Variants in BMPR1A observed in about 807,000 individuals in gnomAD.
The protein encoded by BMPR1A is bone morphogenetic protein receptor type 1A.
A neutral mutation model predicts 66.0 loss-of-function variants in BMPR1A; 7 were observed. The observed-to-expected ratio is 0.11, with a 90% CI of 0.06 to 0.20. The LOEUF is 0.20. Among genes scored for constraint, BMPR1A ranks in the 10% least tolerant of loss-of-function variants. BMPR1A has a pLI of 1.00. For missense variants in BMPR1A, 408 were observed against 669.1 expected (o/e 0.61, Z 4.31); for synonymous variants, 200 against 229.7 (o/e 0.87, Z 1.17).
At chr10:86,856,292 T>C in intron 2 of BMPR1A, 1 of 502,638 alleles carries the variant, frequency 2.0e-6, no homozygotes, top group South Asian at 1.4e-5. Flanking sequence ...ACCTGTGGCA[T>C]TTCGAGAATG....
At chr10:86,879,672 A>C (rs952454770) in intron 3 of BMPR1A, among the ~76,000 whole-genome samples, 1 of 152,220 alleles carries the variant, frequency 6.6e-6, no homozygotes, top group Non-Finnish European at 1.5e-5. Flanking sequence ...GCATCCATTT[A>C]GTACATGCAG....
chr10:86,846,180 C>T (rs1177074626), intron 2 of BMPR1A, among the ~76,000 whole-genome samples: 2 of 152,088 alleles, frequency 1.3e-5, no homozygotes, highest in African/African-American at 4.8e-5. Flanking sequence ...AAGGCAAGCC[C>T]GCATCTGGAG....
At chr10:86,866,399 CTTTTTTTTTTTTTTT>C (rs1048293127) in intron 2 of BMPR1A, among the ~76,000 whole-genome samples, 3 of 69,476 alleles carry the variant, frequency 4.3e-5, no homozygotes, top group Middle Eastern at 8.8e-3. Flanking sequence ...AAGTTTCTTT[CTTTTTTTTTTTTTTT>C]TTTTTTTTTT....
At chr10:86,761,563 G>A (rs1564675760) in intron 1 of BMPR1A, among the ~76,000 whole-genome samples, 1 of 152,200 alleles carries the variant, frequency 6.6e-6, no homozygotes, top group South Asian at 2.1e-4. Flanking sequence ...GGCCTAGCCC[G>A]GATTAAACCC....
chr10:86,765,518 C>T (rs947725676), intron 1 of BMPR1A, among the ~76,000 whole-genome samples: 2 of 149,594 alleles, frequency 1.3e-5, no homozygotes, highest in African/African-American at 2.4e-5. Context: ...ATATTCCTCT[C>T]TCTCCTATGA....
intron 1 of BMPR1A, among the ~76,000 whole-genome samples, chr10:86,814,738 G>T (rs1478415109): frequency 7.4e-5 from 11 of 149,502 alleles, no homozygotes; most frequent in Non-Finnish European, 1.6e-4. Context: ...TGTCTGTAAG[G>T]AGGATGTTGT....
chr10:86,796,433 C>T (rs961236541), intron 1 of BMPR1A, among the ~76,000 whole-genome samples: 24 of 151,834 alleles, frequency 1.6e-4, no homozygotes, highest in Admixed American at 7.9e-4. Context: ...ACTTACTACC[C>T]TTCTGAAGAA....
chr10:86,827,403 A>G (rs1589734833), intron 1 of BMPR1A, among the ~76,000 whole-genome samples: 1 of 152,198 alleles, frequency 6.6e-6, no homozygotes, highest in Non-Finnish European at 1.5e-5. Flanking sequence ...TTACTGGAAT[A>G]TGGAATATTC....
At chr10:86,819,520 C>T (rs527367084) in intron 1 of BMPR1A, among the ~76,000 whole-genome samples, 4 of 152,242 alleles carry the variant, frequency 2.6e-5, no homozygotes, top group African/African-American at 4.8e-5. Context: ...AGGATGGTCT[C>T]GATCTCCTGA....
chr10:86,872,541 G>T (rs1462217290), intron 2 of BMPR1A, among the ~76,000 whole-genome samples: 3 of 151,956 alleles, frequency 2.0e-5, no homozygotes, highest in Admixed American at 2.0e-4. Flanking sequence ...TTGGTTGATG[G>T]TTTGATAACT....
At position 86,866,405 on chromosome 10, in the gene BMPR1A, T is replaced by TTTTTTCTTTC. The variant is rs1221941812; in HGVS notation, c.-152-9457_-152-9456insCTTTCTTTTT. Among the ~76,000 whole-genome samples the TTTTTTCTTTC allele has an allele frequency of 7.6e-5, 8 of 105,570 alleles. No individual in the cohort carries two copies. In the East Asian group the frequency reaches 1.2e-3, roughly 16 times the overall value. The allele number at this position is 105,570 out of a possible 152,430, so 69.3% of individuals were successfully genotyped here. A position where few individuals can be genotyped will look rare whatever the true frequency, so the allele number is the denominator to read the frequency against. ...AAGTTGGGCAAGTTTCTTTCTTTTTTTTTTTTTTTTTTTTTTTTTTTGAGA... is the reference window on the plus strand; with the variant it reads ...AAGTTGGGCAAGTTTCTTTCTTTTTTTTTTTCTTTCTTTTTTTTTTTTTTTTTTTTTGAGA... On this transcript the variant is annotated intron_variant, in intron 2 of 12. Coordinates refer to ENST00000372037, the MANE Select transcript of BMPR1A (RefSeq NM_004329.3).
chr10:86,795,734 A>G (rs1043161897), intron 1 of BMPR1A, among the ~76,000 whole-genome samples: 1 of 151,900 alleles, frequency 6.6e-6, no homozygotes, highest in Non-Finnish European at 1.5e-5. Flanking sequence ...GTTGCTACTT[A>G]TTTTTTTTAA....
At chr10:86,837,716 C>G (rs1842372643) in intron 1 of BMPR1A, among the ~76,000 whole-genome samples, 1 of 151,828 alleles carries the variant, frequency 6.6e-6, no homozygotes, top group South Asian at 2.1e-4. Context: ...ATGTTAGAGA[C>G]CTGGCTAAGT....
rs1469686237 is a variant in BMPR1A at position 86,927,131 on chromosome 10, C to CT, written c.*3413dup. 5.4e-6 allele frequency: 1 copy of CT among 186,704 alleles called. No homozygotes were observed. Among genetic ancestry groups the CT allele is most frequent in the East Asian group, 8.7e-5 (1 of 11,520 alleles). 11.6% of individuals were successfully genotyped at this position (186,704 alleles called of 1,614,324 possible). On this transcript the variant is annotated 3_prime_UTR_variant, in exon 13 of 13. Coordinates refer to ENST00000372037, the MANE Select transcript of BMPR1A (RefSeq NM_004329.3). Reference sequence around the variant, plus strand: ...AGAACGTGCCAAATTTTGATTTACTCTAACAATCAGTACTTTTCTTCAGAT... The same window carrying CT: ...AGAACGTGCCAAATTTTGATTTACTCTTAACAATCAGTACTTTTCTTCAGAT...
At chr10:86,760,024 T>C (rs1841012742) in intron 1 of BMPR1A, among the ~76,000 whole-genome samples, 1 of 119,766 alleles carries the variant, frequency 8.3e-6, no homozygotes, top group African/African-American at 3.3e-5. Flanking sequence ...CCACCTGGAC[T>C]AATGTTATGA....
chr10:86,847,869 G>A (rs1263832525), intron 2 of BMPR1A, among the ~76,000 whole-genome samples: 3 of 151,034 alleles, frequency 2.0e-5, no homozygotes, highest in Admixed American at 2.0e-4. Flanking sequence ...TAGGTTATTG[G>A]TCTGTTTGTG....
At chr10:86,915,729 A>G (rs75120061) in intron 8 of BMPR1A, among the ~76,000 whole-genome samples, 2,181 of 152,320 alleles carry the variant, frequency 0.014, 45 homozygotes, top group African/African-American at 0.049. Context: ...TCTGTCTCAA[A>G]AAAACAGAAC....
intron 1 of BMPR1A, among the ~76,000 whole-genome samples, chr10:86,835,717 T>G (rs930447966): frequency 2.0e-5 from 3 of 152,112 alleles, no homozygotes; most frequent in African/African-American, 7.2e-5. Context: ...ATATCCATAA[T>G]CAGTGCTTGT....
intron 3 of BMPR1A, among the ~76,000 whole-genome samples, chr10:86,883,867 A>G (rs1473544576): frequency 2.7e-5 from 3 of 111,606 alleles, no homozygotes; most frequent in African/African-American, 9.6e-5. Context: ...GTTTGAGCGT[A>G]TGACTTTTTT....
Sources: gnomAD v4.1 joint callset for allele counts (sites outside exome capture counted in the v4.1 genomes callset) on GRCh38, gnomAD v4.1.1 for gene constraint, MANE v1.5 for transcripts, NCBI Gene and HGNC (gene_info 2026-07-23, HGNC 2026-07-21) for gene names.